Variants in UTP23 observed in about 807,000 individuals in gnomAD.
UTP23 encodes UTP23 small subunit processome component, also known as rRNA-processing protein UTP23 homolog.
UTP23 carries 10 observed loss-of-function variants against 19.8 expected under a neutral mutation model. That is an observed-to-expected ratio of 0.50 (90% CI 0.31 to 0.86). The LOEUF (loss-of-function observed/expected upper bound fraction) is 0.86. UTP23 is among the 40% of genes least tolerant of loss of function. UTP23 has a pLI of 0.05. For synonymous variants in UTP23, 108 were observed against 105.4 expected (o/e 1.02, Z -0.15); for missense variants, 282 against 293.1 (o/e 0.96, Z 0.28).
chr8:116,770,415 A>G, intron 2 of UTP23, 49 bp downstream of exon 2: 2 of 1,542,766 alleles, frequency 1.3e-6, no homozygotes, highest in South Asian at 1.2e-5. Flanking sequence ...TTCTATTTAT[A>G]CTTCATATGG....
chr8:116,770,065 G>A, intron 1 of UTP23, 127 bp from the exon 2 acceptor site: 3 of 907,172 alleles, frequency 3.3e-6, no homozygotes, highest in Non-Finnish European at 4.7e-6. Flanking sequence ...ATCTTTTAAA[G>A]TAAATGGTTA....
intron 2 of UTP23, chr8:116,770,572 G>T (rs1237178345): frequency 6.8e-6 from 3 of 439,932 alleles, no homozygotes; most frequent in Non-Finnish European, 1.2e-5. Context: ...GTAGTGGAAG[G>T]TTGGGTTTTG....
chr8:116,772,825 A>G lies in UTP23; in HGVS notation c.*983A>G. 2.0e-6 allele frequency: 2 copies of G among 985,408 alleles called. No homozygotes were observed. The highest frequency in any genetic ancestry group is 2.4e-6 in the Non-Finnish European group (2 of 829,930). The allele number at this position is 985,408 out of a possible 1,614,324, so 61.0% of individuals were successfully genotyped here. On this transcript the variant is annotated 3_prime_UTR_variant, in exon 3 of 3. Coordinates refer to ENST00000309822, the MANE Select transcript of UTP23 (RefSeq NM_032334.3). ...CGTGTCTCTCTGAATTCCCCCGGCA[A>G]TTGTTTTAGTCATTTATCAGGCCAA...
intron 2 of UTP23, 134 bp downstream of exon 2, chr8:116,770,500 A>G (rs1043809418): frequency 1.3e-6 from 1 of 798,922 alleles, no homozygotes; most frequent in Non-Finnish European, 1.8e-6. Flanking sequence ...ATTTGCAGTC[A>G]GTAAAAGCAA....
At position 116,771,573 on chromosome 8, in the gene UTP23, G is replaced by C. The variant is rs780234233; in HGVS notation, c.481G>C (p.Val161Leu). Reference protein sequence around the residue: ...SPKTIAFVKAVESGQLVSVHE... With the variant: ...SPKTIAFVKALESGQLVSVHE... Reference sequence around the variant, plus strand: ...CAAAACAATTGCCTTTGTAAAAGCAGTGGAGTCAGGTCAGCTTGTCTCAGT... The same window carrying C: ...CAAAACAATTGCCTTTGTAAAAGCACTGGAGTCAGGTCAGCTTGTCTCAGT... Residue 161 changes from valine (V) to leucine (L), a missense_variant, in exon 3 of 3, where the codon GTG becomes CTG. Transcript: ENST00000309822. The C allele has an allele frequency of 6.2e-7, 1 of 1,613,210 alleles. No homozygotes were observed. The highest frequency in any genetic ancestry group is 8.5e-7 in the Non-Finnish European group (1 of 1,179,788).
Position 116,774,518 on chromosome 8 carries a change from TTA to T in UTP23, c.*2680_*2681del. On this transcript the variant is annotated 3_prime_UTR_variant, in exon 3 of 3. Coordinates refer to ENST00000309822, the MANE Select transcript of UTP23 (RefSeq NM_032334.3). ...TATATGACATTATTCCCAATTAGTTTTATATCTCCAAGATATATATATGTATA... is the reference window on the plus strand; with the variant it reads ...TATATGACATTATTCCCAATTAGTTTTATCTCCAAGATATATATATGTATA... The T allele has an allele frequency of 1.3e-6, 1 of 789,160 alleles. No homozygotes were observed. The highest frequency in any genetic ancestry group is 1.5e-6 in the Non-Finnish European group (1 of 651,718). 48.9% of individuals were successfully genotyped at this position (789,160 alleles called of 1,614,324 possible). A position where few individuals can be genotyped will look rare whatever the true frequency, so the allele number is the denominator to read the frequency against.
rs761552267 is a variant in UTP23 at position 116,771,636 on chromosome 8, C to G, written c.544C>G (p.Gln182Glu). The change falls in exon 3 of 3, where the codon CAG becomes GAG. Residue 182 changes from glutamine (Q) to glutamate (E), a missense_variant. Coordinates refer to ENST00000309822, the MANE Select transcript of UTP23 (RefSeq NM_032334.3). ...AAGTATCAAACATCTCAAAGAGGAA[C>G]AGGGTTTAGTGAAAAACACTGAACA... ...KESIKHLKEE[Q>E]GLVKNTEQSR... 6.2e-7 allele frequency: 1 copy of G among 1,611,200 alleles called. No homozygotes were observed. Among genetic ancestry groups the G allele is most frequent in the Non-Finnish European group, 8.5e-7 (1 of 1,179,342 alleles).
rs908320578 is a variant in UTP23, at chr8:116,772,667, T to C, written c.*825T>C. 1.3e-5 allele frequency: 13 copies of C among 985,086 alleles called. No individual in the cohort carries two copies. Among genetic ancestry groups the C allele is most frequent in the Non-Finnish European group, 1.6e-5 (13 of 829,616 alleles). The allele number at this position is 985,086 out of a possible 1,614,324, so 61.0% of individuals were successfully genotyped here. ...AAGGATGATGATTTTCTTTTAGATG[T>C]AAATGTTAACTTCAATAGCAAGAAT... On this transcript the variant is annotated 3_prime_UTR_variant, in exon 3 of 3. Coordinates refer to ENST00000309822, the MANE Select transcript of UTP23 (RefSeq NM_032334.3).
intron 1 of UTP23, among the ~76,000 whole-genome samples, chr8:116,769,915 G>A (rs1279182833): frequency 6.6e-6 from 1 of 152,144 alleles, no homozygotes; most frequent in Non-Finnish European, 1.5e-5. Flanking sequence ...TTCAAGGTAA[G>A]CGACCTAACT....
rs554366330 is a variant in UTP23 at position 116,767,967 on chromosome 8, C to G, written c.188+1176C>G. The stretch of plus-strand genomic sequence containing the variant: ...GGCAAGGTGGCTCACACTTGTAATC[C>G]TAGTAGCTACACAGGAGGCTGAGAC... On this transcript the variant is annotated intron_variant, in intron 1 of 2. Transcript: ENST00000309822. Among the ~76,000 whole-genome samples the G allele has an allele frequency of 1.6e-4, 25 of 152,208 alleles. 1 individual carries two copies. In the South Asian group the frequency reaches 3.5e-3, roughly 21 times the overall value.
rs186013702 is a variant in UTP23 at position 116,766,540 on chromosome 8, G to C, written c.-64G>C. On this transcript the variant is annotated 5_prime_UTR_variant, in exon 1 of 3. Coordinates refer to ENST00000309822, the MANE Select transcript of UTP23 (RefSeq NM_032334.3). The stretch of plus-strand genomic sequence containing the variant: ...GGTGAAACTGGCATTGAGGGTACTG[G>C]GGCGTGCGTGAGGCGTTTACTGATG... 5.7e-3 allele frequency: 8,767 copies of C among 1,548,878 alleles called. 37 individuals carry two copies. Among genetic ancestry groups the C allele is most frequent in the Non-Finnish European group, 6.6e-3 (7,557 of 1,143,882 alleles).
intron 1 of UTP23, 152 bp downstream of exon 1, chr8:116,766,943 C>A: frequency 1.4e-6 from 1 of 724,998 alleles, no homozygotes; most frequent in Non-Finnish European, 2.2e-6. Flanking sequence ...TGAAGGTGGT[C>A]AGGCGAATAC....
In UTP23 at chr8:116,774,415, TA is replaced by T; in HGVS notation, c.*2574del. The stretch of plus-strand genomic sequence containing the variant: ...GCTGTGATTTGACAGGTTTAATTGC[TA>T]GTTTTTTATAGGTGGATAGAAATGA... On this transcript the variant is annotated 3_prime_UTR_variant, in exon 3 of 3. Coordinates refer to ENST00000309822, the MANE Select transcript of UTP23 (RefSeq NM_032334.3). 1 of 903,436 alleles carries T rather than the reference TA, an allele frequency of 1.1e-6. No individual in the cohort carries two copies. The highest frequency in any genetic ancestry group is 1.3e-6 in the Non-Finnish European group (1 of 772,044). 56.0% of individuals were successfully genotyped at this position (903,436 alleles called of 1,614,324 possible).
At chr8:116,767,527 A>T (rs1374071167) in intron 1 of UTP23, among the ~76,000 whole-genome samples, 1 of 152,214 alleles carries the variant, frequency 6.6e-6, no homozygotes, top group Non-Finnish European at 1.5e-5. Context: ...GCTTGTCGGG[A>T]TGAAGAGGAG....
intron 1 of UTP23, 65 bp downstream of exon 1, chr8:116,766,856 T>TGCTCGCCTTCGTGACCTTCGTC: frequency 7.1e-7 from 1 of 1,413,520 alleles, no homozygotes; most frequent in African/African-American, 1.4e-5. Context: ...GCGAGGCCGT[T>TGCTCGCCTTCGTGACCTTCGTC]GCTCACAGAC....
At position 116,766,640 on chromosome 8, in the gene UTP23, C is replaced by T. The variant is rs1157247233; in HGVS notation, c.37C>T (p.Leu13Phe). Residue 13 changes from leucine to phenylalanine, a missense_variant, in exon 1 of 3, where the codon CTT (leucine) becomes TTT (phenylalanine). Physicochemically the swap from Leu to Phe is conservative, Grantham distance 22. Coordinates refer to ENST00000309822, the MANE Select transcript of UTP23 (RefSeq NM_032334.3). ...AAGGCAGAAACATGCCAAGAAGCATCTTGGCTTCTTCCGCAACAACTTCGG... is the reference window on the plus strand; with the variant it reads ...AAGGCAGAAACATGCCAAGAAGCATTTTGGCTTCTTCCGCAACAACTTCGG... ...ITRQKHAKKHLGFFRNNFGVR... is the reference protein window; with the variant it reads ...ITRQKHAKKHFGFFRNNFGVR... 1 of 1,613,746 alleles carries T rather than the reference C, an allele frequency of 6.2e-7. No individual in the cohort carries two copies. The highest frequency in any genetic ancestry group is 1.7e-5 in the Admixed American group (1 of 60,002).
At position 116,773,536 on chromosome 8, in the gene UTP23, G is replaced by T; in HGVS notation, c.*1694G>T. ...TTAGTAAGTTTAATATTTTGACAGGGCATGGTGGCTCACACCTGTAATCCC... is the reference window on the plus strand; with the variant it reads ...TTAGTAAGTTTAATATTTTGACAGGTCATGGTGGCTCACACCTGTAATCCC... On this transcript the variant is annotated 3_prime_UTR_variant, in exon 3 of 3. Transcript: ENST00000309822. 1.0e-6 allele frequency: 1 copy of T among 978,714 alleles called. No individual in the cohort carries two copies. Among genetic ancestry groups the T allele is most frequent in the Non-Finnish European group, 1.2e-6 (1 of 823,858 alleles). 60.6% of individuals were successfully genotyped at this position (978,714 alleles called of 1,614,324 possible).
chr8:116,773,578 G>A lies in UTP23; in HGVS notation c.*1736G>A, dbSNP rs557200962. On this transcript the variant is annotated 3_prime_UTR_variant, in exon 3 of 3. Coordinates refer to ENST00000309822, the MANE Select transcript of UTP23 (RefSeq NM_032334.3). ...TGTAATCCCAGCACTTTGGGAGGCC[G>A]AGGCTGGCAGATCACAAAATTAAGA... The A allele has an allele frequency of 4.5e-5, 34 of 760,290 alleles. No individual in the cohort carries two copies. The highest frequency in any genetic ancestry group is 3.9e-4 in the East Asian group (3 of 7,778). 47.1% of individuals were successfully genotyped at this position (760,290 alleles called of 1,614,324 possible).
chr8:116,770,620 T>G (rs2131024372), intron 2 of UTP23: 1 of 340,912 alleles, frequency 2.9e-6, no homozygotes, highest in East Asian at 4.9e-5. Context: ...TTTTTTTGTT[T>G]GTTTCTTGAG....
Sources: allele counts gnomAD v4.1 joint callset (sites outside exome capture counted in the v4.1 genomes callset), GRCh38; gene constraint gnomAD v4.1.1; transcripts MANE v1.5; gene names NCBI Gene and HGNC (gene_info 2026-07-23, HGNC 2026-07-21).